The following TLL2 variants were observed in gnomAD, a reference collection of about 807,000 sequenced individuals.
TLL2 encodes the protein tolloid-like protein 2.
In TLL2, 106 loss-of-function variants were observed where a neutral mutation model predicts 123.0. The observed-to-expected ratio is 0.86, with a 90% CI of 0.74 to 1.01. TLL2 has a LOEUF of 1.01. Among genes scored for constraint, TLL2 ranks in the 50% least tolerant of loss-of-function variants. TLL2 has a pLI of 0.00. For synonymous variants in TLL2, 494 were observed against 516.8 expected (o/e 0.96, Z 0.60); for missense variants, 1,332 against 1,336.7 (o/e 1.00, Z 0.06).
chr10:96,506,587 C>G (rs149736768), intron 1 of TLL2, among the ~76,000 whole-genome samples: 335 of 151,688 alleles, frequency 2.2e-3, no homozygotes, highest in Non-Finnish European at 4.2e-3. Flanking sequence ...GGAGGCTCCC[C>G]AAGGGCAGGG....
intron 13 of TLL2, among the ~76,000 whole-genome samples, chr10:96,391,341 G>A (rs368088256): frequency 1.7e-4 from 26 of 152,354 alleles, no homozygotes; most frequent in South Asian, 2.1e-4. Context: ...GCAAGAGAGC[G>A]AATAGCTAGT....
At position 96,396,428 on chromosome 10, in the gene TLL2, CGCACACGT is replaced by C. The variant is rs147939783; in HGVS notation, c.1385-416_1385-409del. 5.4e-3 allele frequency among the ~76,000 whole-genome samples: 820 copies of C among 152,236 alleles called. 9 individuals carry two copies. The highest frequency in any genetic ancestry group is 0.019 in the African/African-American group (789 of 41,536). On this transcript the variant is annotated intron_variant, in intron 11 of 20. Coordinates refer to ENST00000357947, the MANE Select transcript of TLL2 (RefSeq NM_012465.4). Reference sequence around the variant, plus strand: ...CCGCTGGTAGGAAAGGACCCGTGCGCGCACACGTGCACACATGCGCACACATGCACATT... The same window carrying C: ...CCGCTGGTAGGAAAGGACCCGTGCGCGCACACATGCGCACACATGCACATT...
At chr10:96,389,336 TAGAC>T (rs983145565) in intron 13 of TLL2, among the ~76,000 whole-genome samples, 3 of 152,208 alleles carry the variant, frequency 2.0e-5, no homozygotes, top group African/African-American at 7.2e-5. Flanking sequence ...GCCATCATGA[TAGAC>T]AGCAGCAGAG....
intron 13 of TLL2, among the ~76,000 whole-genome samples, chr10:96,393,389 C>A (rs184302173): frequency 6.6e-6 from 1 of 152,236 alleles, no homozygotes. Context: ...ACACTACACT[C>A]GGTGTATTGA....
intron 2 of TLL2, among the ~76,000 whole-genome samples, chr10:96,456,160 C>T (rs1847013531): frequency 6.6e-6 from 1 of 152,100 alleles, no homozygotes; most frequent in African/African-American, 2.4e-5. Context: ...CTGACTCTAC[C>T]GATAGCCTTT....
chr10:96,492,350 G>A (rs1172008099), intron 1 of TLL2, among the ~76,000 whole-genome samples: 7 of 152,294 alleles, frequency 4.6e-5, no homozygotes, highest in South Asian at 2.1e-4. Context: ...CCTGCTAGGC[G>A]CCGTGGCTCA....
chr10:96,454,256 C>T (rs1846989060), intron 2 of TLL2, among the ~76,000 whole-genome samples: 1 of 152,192 alleles, frequency 6.6e-6, no homozygotes, highest in Non-Finnish European at 1.5e-5. Context: ...TCAGACAGTG[C>T]TGGGAGGGCT....
intron 1 of TLL2, among the ~76,000 whole-genome samples, chr10:96,481,202 A>C (rs1347661053): frequency 1.3e-5 from 2 of 151,818 alleles, no homozygotes. Flanking sequence ...TCTGGAGTGC[A>C]GTGTCACGAT....
At chr10:96,499,408 T>C (rs1370254534) in intron 1 of TLL2, among the ~76,000 whole-genome samples, 1 of 152,254 alleles carries the variant, frequency 6.6e-6, no homozygotes. Flanking sequence ...TTTTCTTTAG[T>C]GTTCCCTTTA....
chr10:96,476,240 A>ATATATATATATTTTTTTTTTTTT, intron 2 of TLL2, among the ~76,000 whole-genome samples: 1 of 20,500 alleles, frequency 4.9e-5, no homozygotes, highest in Non-Finnish European at 1.0e-4. Flanking sequence ...ATATATATAT[A>ATATATATATATTTTTTTTTTTTT]TTTTATTTTT....
At chr10:96,482,245 G>A (rs1264443011) in intron 1 of TLL2, among the ~76,000 whole-genome samples, 32 of 147,734 alleles carry the variant, frequency 2.2e-4, no homozygotes, top group South Asian at 6.4e-4. Flanking sequence ...GCGACAGAGC[G>A]AGACTACGTC....
intron 1 of TLL2, among the ~76,000 whole-genome samples, chr10:96,493,004 C>T (rs918520085): frequency 6.6e-6 from 1 of 152,196 alleles, no homozygotes; most frequent in African/African-American, 2.4e-5. Flanking sequence ...TCTTTGAACA[C>T]CAATCTCTAT....
At chr10:96,388,167 G>C (rs1005650220) in intron 13 of TLL2, among the ~76,000 whole-genome samples, 5 of 152,206 alleles carry the variant, frequency 3.3e-5, no homozygotes, top group African/African-American at 1.2e-4. Context: ...ACTTTGGGAG[G>C]CTGAGGCGGG....
At chr10:96,494,110 G>T (rs1412157159) in intron 1 of TLL2, among the ~76,000 whole-genome samples, 1 of 152,210 alleles carries the variant, frequency 6.6e-6, no homozygotes, top group Non-Finnish European at 1.5e-5. Context: ...GGCCAGCCGG[G>T]GACAGCCCGG....
chr10:96,433,035 T>C lies in TLL2; in HGVS notation c.365-73A>G, dbSNP rs183479118. The C allele has an allele frequency of 1.2e-3, 1,834 of 1,550,128 alleles. 3 individuals carry two copies. The highest frequency in any genetic ancestry group is 1.3e-3 in the Non-Finnish European group (1,466 of 1,141,298). ...GTGAATTATGGCTGAGGTTGTATTATCCACAATTCCAAAAAGGGGGTGTTA... is the reference window on the plus strand; with the variant it reads ...GTGAATTATGGCTGAGGTTGTATTACCCACAATTCCAAAAAGGGGGTGTTA... On this transcript the variant is annotated intron_variant, in intron 3 of 20. Coordinates refer to ENST00000357947, the MANE Select transcript of TLL2 (RefSeq NM_012465.4).
intron 1 of TLL2, among the ~76,000 whole-genome samples, chr10:96,493,166 C>T (rs952697663): frequency 6.6e-6 from 1 of 152,194 alleles, no homozygotes; most frequent in East Asian, 1.9e-4. Flanking sequence ...TCATCATACC[C>T]AGTGTCAGGT....
chr10:96,506,142 C>T (rs772384503), intron 1 of TLL2, among the ~76,000 whole-genome samples: 1 of 149,708 alleles, frequency 6.7e-6, no homozygotes, highest in Non-Finnish European at 1.5e-5. Flanking sequence ...ATCCCAGCTA[C>T]TCAGGAGGCT....
At chr10:96,415,529 A>G (rs1026592682) in intron 7 of TLL2, among the ~76,000 whole-genome samples, 3 of 151,626 alleles carry the variant, frequency 2.0e-5, no homozygotes, top group African/African-American at 7.3e-5. Context: ...AAGTTCCTCA[A>G]GCAGGGAGAC....
intron 11 of TLL2, among the ~76,000 whole-genome samples, chr10:96,396,381 A>AT (rs886087327): frequency 1.3e-5 from 2 of 152,248 alleles, no homozygotes; most frequent in East Asian, 3.9e-4. Context: ...TCCCCAGGTG[A>AT]TTCAAGGTAG....
Sources: allele counts gnomAD v4.1 joint callset (sites outside exome capture counted in the v4.1 genomes callset), GRCh38; gene constraint gnomAD v4.1.1; transcripts MANE v1.5; gene names NCBI Gene and HGNC (gene_info 2026-07-23, HGNC 2026-07-21).